The following LRRC4C variants were observed in gnomAD, a reference collection of about 807,000 sequenced individuals.
LRRC4C encodes leucine rich repeat containing 4C, also known as leucine-rich repeat-containing protein 4C.
LRRC4C carries 5 observed loss-of-function variants against 33.6 expected under a neutral mutation model. The ratio of observed to expected loss-of-function variants is 0.15; its 90% CI spans 0.08 to 0.31. The LOEUF (loss-of-function observed/expected upper bound fraction) is 0.31. LRRC4C is among the 10% of genes least tolerant of loss of function. LRRC4C has a pLI of 1.00. For synonymous variants in LRRC4C, 329 were observed against 302.0 expected (o/e 1.09, Z -0.93); for missense variants, 560 against 796.7 (o/e 0.70, Z 3.58).
intron 3 of LRRC4C, among the ~76,000 whole-genome samples, chr11:40,482,925 G>A (rs1245475154): frequency 6.6e-6 from 1 of 152,202 alleles, no homozygotes; most frequent in East Asian, 1.9e-4. Flanking sequence ...GGAGGAATGA[G>A]AAATAAGCCA....
intron 1 of LRRC4C, among the ~76,000 whole-genome samples, chr11:41,360,988 A>G (rs1327499803): frequency 6.6e-6 from 1 of 152,250 alleles, no homozygotes; most frequent in Non-Finnish European, 1.5e-5. Context: ...ACAATCAATC[A>G]TATTACTACA....
At chr11:41,323,886 G>A (rs1951029535) in intron 1 of LRRC4C, among the ~76,000 whole-genome samples, 3 of 152,016 alleles carry the variant, frequency 2.0e-5, no homozygotes, top group African/African-American at 7.2e-5. Flanking sequence ...TTTATATAAG[G>A]GGACTATTTC....
At chr11:40,841,647 T>C (rs972312478) in intron 2 of LRRC4C, among the ~76,000 whole-genome samples, 37 of 152,190 alleles carry the variant, frequency 2.4e-4, no homozygotes, top group African/African-American at 8.2e-4. Context: ...ACTTCCAGCC[T>C]CCAGAAGTAT....
At chr11:40,357,852 G>A (rs1319136216) in intron 3 of LRRC4C, among the ~76,000 whole-genome samples, 1 of 152,028 alleles carries the variant, frequency 6.6e-6, no homozygotes, top group Non-Finnish European at 1.5e-5. Flanking sequence ...AAGTAAAAGG[G>A]ATCTTAACTC....
At chr11:40,980,892 G>A (rs1852470103) in intron 1 of LRRC4C, among the ~76,000 whole-genome samples, 1 of 152,188 alleles carries the variant, frequency 6.6e-6, no homozygotes, top group Admixed American at 6.5e-5. Context: ...TGTGCTCAGA[G>A]TGAGCAGAGC....
intron 1 of LRRC4C, among the ~76,000 whole-genome samples, chr11:41,176,345 C>T (rs899979745): frequency 4.6e-5 from 7 of 152,116 alleles, no homozygotes; most frequent in African/African-American, 1.7e-4. Flanking sequence ...CATCTAAAGA[C>T]AATAATCTTT....
chr11:41,388,773 A>G (rs1394134605), intron 1 of LRRC4C, among the ~76,000 whole-genome samples: 1 of 151,932 alleles, frequency 6.6e-6, no homozygotes, highest in Non-Finnish European at 1.5e-5. Flanking sequence ...AAAGACAGGA[A>G]GAGGGTTCTT....
chr11:40,608,722 G>T (rs1960890884), intron 3 of LRRC4C, among the ~76,000 whole-genome samples: 1 of 152,072 alleles, frequency 6.6e-6, no homozygotes, highest in Non-Finnish European at 1.5e-5. Context: ...TAGACTGAAA[G>T]TGAAGCAATG....
intron 2 of LRRC4C, among the ~76,000 whole-genome samples, chr11:40,913,734 C>G (rs547590321): frequency 1.3e-5 from 2 of 152,186 alleles, no homozygotes; most frequent in East Asian, 3.9e-4. Flanking sequence ...ACAAAAAACC[C>G]TTCAAAAAAT....
chr11:41,257,807 C>T (rs1315233137), intron 1 of LRRC4C, among the ~76,000 whole-genome samples: 1 of 152,034 alleles, frequency 6.6e-6, no homozygotes, highest in Admixed American at 6.6e-5. Context: ...TATCTGCCAC[C>T]TCCCTGCATC....
At chr11:41,235,490 G>A (rs1309309976) in intron 1 of LRRC4C, among the ~76,000 whole-genome samples, 1 of 152,028 alleles carries the variant, frequency 6.6e-6, no homozygotes, top group Non-Finnish European at 1.5e-5. Context: ...GACTTAGTAG[G>A]CAAGCAACAT....
At chr11:40,738,272 C>G (rs1190540422) in intron 2 of LRRC4C, among the ~76,000 whole-genome samples, 6 of 152,030 alleles carry the variant, frequency 3.9e-5, no homozygotes, top group African/African-American at 1.4e-4. Flanking sequence ...TTTTCTGAGG[C>G]TTTCAGACTT....
intron 3 of LRRC4C, among the ~76,000 whole-genome samples, chr11:40,592,161 A>G (rs553735513): frequency 6.6e-6 from 1 of 152,352 alleles, no homozygotes; most frequent in South Asian, 2.1e-4. Flanking sequence ...TGGAGAAATT[A>G]AATAATGACA....
At chr11:40,594,843 T>C (rs1959195125) in intron 3 of LRRC4C, among the ~76,000 whole-genome samples, 1 of 152,058 alleles carries the variant, frequency 6.6e-6, no homozygotes, top group Non-Finnish European at 1.5e-5. Flanking sequence ...TATTAAAAAA[T>C]AAGTAAACAA....
chr11:40,486,956 A>G (rs191144304), intron 3 of LRRC4C, among the ~76,000 whole-genome samples: 1 of 152,104 alleles, frequency 6.6e-6, no homozygotes, highest in African/African-American at 2.4e-5. Context: ...TCTTTTTTGT[A>G]TTAGAAACTG....
intron 3 of LRRC4C, among the ~76,000 whole-genome samples, chr11:40,630,321 TTCTTCTTCC>T (rs1325283940): frequency 6.9e-6 from 1 of 145,850 alleles, no homozygotes; most frequent in African/African-American, 2.6e-5. Flanking sequence ...CTTGTTTTCT[TTCTTCTTCC>T]TCTTCTTCTT....
At chr11:40,228,180 G>T (rs1864947508) in intron 5 of LRRC4C, among the ~76,000 whole-genome samples, 1 of 152,028 alleles carries the variant, frequency 6.6e-6, no homozygotes, top group Non-Finnish European at 1.5e-5. Flanking sequence ...AATTCTATTA[G>T]CTAGCAGAGA....
At chr11:40,364,328 T>C (rs1422908705) in intron 3 of LRRC4C, among the ~76,000 whole-genome samples, 1 of 152,092 alleles carries the variant, frequency 6.6e-6, no homozygotes, top group Non-Finnish European at 1.5e-5. Context: ...ATTATAAATA[T>C]ACTCCTTATC....
intron 5 of LRRC4C, among the ~76,000 whole-genome samples, chr11:40,153,430 A>T (rs540245450): frequency 3.9e-5 from 6 of 152,122 alleles, no homozygotes; most frequent in Non-Finnish European, 7.4e-5. Context: ...ATGGATCCAA[A>T]CCAGTAAAAA....
Sources: gnomAD v4.1 joint callset for allele counts (sites outside exome capture counted in the v4.1 genomes callset) on GRCh38, gnomAD v4.1.1 for gene constraint, MANE v1.5 for transcripts, NCBI Gene and HGNC (gene_info 2026-07-23, HGNC 2026-07-21) for gene names.